MICALL2: variants seen among roughly 807,000 people sequenced by gnomAD.
The protein encoded by MICALL2 is MICAL like 2.
A neutral mutation model predicts 91.1 loss-of-function variants in MICALL2; 111 were observed. That is an observed-to-expected ratio of 1.22 (90% CI 1.04 to 1.43). MICALL2 has a LOEUF of 1.43. Ranked by LOEUF, MICALL2 falls within the 40% of genes most tolerant of loss-of-function variation. The pLI is 0.00. For synonymous variants in MICALL2, 694 were observed against 525.3 expected, an observed-to-expected ratio of 1.32 and a Z score of -4.39; for missense variants, 1,556 against 1,236.0, an observed-to-expected ratio of 1.26 and a Z score of -3.88.
intron 3 of MICALL2, among the ~76,000 whole-genome samples, chr7:1,448,254 G>A (rs1020588043): frequency 1.3e-5 from 2 of 152,232 alleles, no homozygotes; most frequent in Non-Finnish European, 2.9e-5. Flanking sequence ...CACCCCAGTG[G>A]GCACAGAAGC....
chr7:1,437,685 T>G, intron 13 of MICALL2, 77 bp from the exon 14 acceptor site: 4 of 1,441,324 alleles, frequency 2.8e-6, no homozygotes, highest in Middle Eastern at 2.4e-4. Context: ...CGCAACGAGG[T>G]CCTGGACCTG....
Position 1,436,845 on chromosome 7 carries a change from A to G in MICALL2, c.2488T>C (p.Ser830Pro). The change falls in exon 15 of 17, where the codon TCA becomes CCA. Residue 830 changes from serine to proline, a missense_variant. Physicochemically the swap from Ser to Pro is moderately conservative, Grantham distance 74. Transcript: ENST00000297508. Reference sequence around the variant, plus strand: ...TGCTCCCGCCGCCGCTCCTGCAGTGACTTCAGAGCCTCTGTGGGGATGGCT... The same window carrying G: ...TGCTCCCGCCGCCGCTCCTGCAGTGGCTTCAGAGCCTCTGTGGGGATGGCT... Reference protein sequence around the residue: ...RLMAKPEALKSLQERRREQEL... With the variant: ...RLMAKPEALKPLQERRREQEL... The G allele has an allele frequency of 6.3e-7, 1 of 1,595,924 alleles. No individual in the cohort carries two copies.
intron 1 of MICALL2, among the ~76,000 whole-genome samples, chr7:1,456,818 A>C (rs1415640776): frequency 6.6e-6 from 1 of 151,846 alleles, no homozygotes; most frequent in Non-Finnish European, 1.5e-5. Flanking sequence ...GCATGTCCCC[A>C]CACCCTGGTG....
At chr7:1,447,531 T>C in intron 4 of MICALL2, 44 bp downstream of exon 4, 2 of 1,244,860 alleles carry the variant, frequency 1.6e-6, no homozygotes, top group Non-Finnish European at 2.2e-6. Context: ...CACCCCCCGG[T>C]GGAAAACCCA....
At chr7:1,456,149 G>T (rs543491063) in intron 1 of MICALL2, among the ~76,000 whole-genome samples, 1 of 151,926 alleles carries the variant, frequency 6.6e-6, no homozygotes, top group African/African-American at 2.4e-5. Context: ...GGCCAGGCGC[G>T]GCGGCTCACA....
intron 1 of MICALL2, among the ~76,000 whole-genome samples, chr7:1,457,556 A>C (rs995120089): frequency 6.6e-6 from 1 of 152,362 alleles, no homozygotes; most frequent in Admixed American, 6.5e-5. Context: ...TGCTGGGTAC[A>C]CAGCAGGTAC....
rs774578907 is a variant in MICALL2, at chr7:1,437,658, G to A, written c.2403-50C>T. On this transcript the variant is annotated intron_variant, in intron 13 of 16. Coordinates refer to ENST00000297508, the MANE Select transcript of MICALL2 (RefSeq NM_182924.4). The stretch of plus-strand genomic sequence containing the variant: ...GCCTGACTCTGCCGCCCTGTCCCCC[G>A]CCTGGCCCGCCCAGCCCGCAACGAG... 68 of 1,513,146 alleles carry A rather than the reference G, an allele frequency of 4.5e-5. 1 individual carries two copies. The highest frequency in any genetic ancestry group is 1.7e-4 in the African/African-American group (12 of 72,266). The allele number at this position is 1,513,146 out of a possible 1,614,324, so 93.7% of individuals were successfully genotyped here. A position where few individuals can be genotyped will look rare whatever the true frequency, so the allele number is the denominator to read the frequency against.
chr7:1,435,058 CCCAG>C, intron 16 of MICALL2, 39 bp downstream of exon 16: 4 of 1,607,156 alleles, frequency 2.5e-6, no homozygotes, highest in African/African-American at 1.3e-5. Context: ...CCCCGGCCCA[CCCAG>C]CCAGCCAGCC....
rs1260132652 is a variant in MICALL2 at position 1,451,759 on chromosome 7, T to C, written c.144-1471A>G. Among the ~76,000 whole-genome samples, 1 of 152,136 alleles carries C rather than the reference T, an allele frequency of 6.6e-6. No individual in the cohort carries two copies. The highest frequency in any genetic ancestry group is 6.5e-5 in the Admixed American group (1 of 15,286). ...CTCCTGGTGGCGAATCTGACGGCCG[T>C]AGCTGCAGCAAACAGGAAGGCTGGG... On this transcript the variant is annotated intron_variant, in intron 1 of 16. Transcript: ENST00000297508. This position sits in a 1 kb window ranked among gnomAD's most constrained non-coding sequence, Gnocchi z 4.5.
chr7:1,437,791 C>G (rs1780046381), intron 13 of MICALL2, 99 bp downstream of exon 13: 1 of 1,279,524 alleles, frequency 7.8e-7, no homozygotes, highest in African/African-American at 1.5e-5. Flanking sequence ...CACAGACATG[C>G]ATCTGAGGCC....
Position 1,435,159 on chromosome 7 carries a change from C to T in MICALL2, c.2592-12G>A, listed in dbSNP as rs1167266537. On this transcript the variant is annotated splice_polypyrimidine_tract_variant and intron_variant, in intron 15 of 16. Coordinates refer to ENST00000297508, the MANE Select transcript of MICALL2 (RefSeq NM_182924.4). ...CCTCCTCTTGTTCCCTGAAACGGGA[C>T]CAGATGGCCATGAGCGACAATGGCA... The T allele has an allele frequency of 1.2e-6, 2 of 1,613,416 alleles. No homozygotes were observed. The highest frequency in any genetic ancestry group is 3.3e-5 in the Admixed American group (2 of 60,020).
intron 1 of MICALL2, among the ~76,000 whole-genome samples, chr7:1,458,508 G>C (rs1584241375): frequency 6.6e-6 from 1 of 152,264 alleles, no homozygotes; most frequent in African/African-American, 2.4e-5. Context: ...AAACAATGGA[G>C]CAGGTCCAGG....
At chr7:1,439,237 C>A (rs10265192) in intron 9 of MICALL2, 2 of 514,920 alleles carry the variant, frequency 3.9e-6, no homozygotes, top group Non-Finnish European at 3.5e-6. Context: ...GGAAGTGGCA[C>A]GAGAGCTGGA....
In MICALL2 at chr7:1,445,158, G is replaced by C. The variant is rs1261208360; in HGVS notation, c.912C>G (p.Pro304=). ...ACGTGGCGCTGGTGGCTGCAGGGTT[G>C]GGTGCAGCTGGAACGGAAGCCCTGG... ...SPARASVPAA[P]NPAATSATSV... Residue 304 remains proline, a synonymous_variant, in exon 6 of 17, where the codon CCC becomes CCG. Coordinates refer to ENST00000297508, the MANE Select transcript of MICALL2 (RefSeq NM_182924.4). The C allele has an allele frequency of 1.9e-6, 3 of 1,577,328 alleles. No homozygotes were observed. Among genetic ancestry groups the C allele is most frequent in the Non-Finnish European group, 2.6e-6 (3 of 1,162,610 alleles).
Position 1,455,781 on chromosome 7 carries a change from C to T in MICALL2, c.143+3403G>A, listed in dbSNP as rs940965867. ...CTGCGTGCAGCAGGAAGGACTAAGGCCAGACAAAGGGAAGGACTTCCTGGT... is the reference window on the plus strand; with the variant it reads ...CTGCGTGCAGCAGGAAGGACTAAGGTCAGACAAAGGGAAGGACTTCCTGGT... On this transcript the variant is annotated intron_variant, in intron 1 of 16. Transcript: ENST00000297508. Among the ~76,000 whole-genome samples, 19 of 151,932 alleles carry T rather than the reference C, an allele frequency of 1.3e-4. 1 individual carries two copies. Among genetic ancestry groups the T allele is most frequent in the African/African-American group, 2.7e-4 (11 of 41,400 alleles).
At chr7:1,439,752 A>G (rs1223587590) in intron 9 of MICALL2, 173 bp downstream of exon 9, 4 of 481,028 alleles carry the variant, frequency 8.3e-6, no homozygotes, top group South Asian at 1.0e-4. Flanking sequence ...TGCATCACAC[A>G]CATGCACACA....
chr7:1,440,227 A>G, intron 8 of MICALL2, 142 bp from the exon 9 acceptor site: 1 of 1,003,226 alleles, frequency 1.0e-6, no homozygotes, highest in Non-Finnish European at 1.4e-6. Flanking sequence ...CCCACTGACT[A>G]CACCTGCTGG....
In MICALL2 at chr7:1,447,713, C is replaced by T. The variant is rs746140844; in HGVS notation, c.387G>A (p.Pro129=). The part of the protein sequence containing the change: ...KRASEDSEEE[P]SGKKAPVQAA... Reference sequence around the variant, plus strand: ...CCTGGACTGGAGCCTTCTTCCCTGACGGCTCCTCCTCAGAGTCCTCCGAGG... The same window carrying T: ...CCTGGACTGGAGCCTTCTTCCCTGATGGCTCCTCCTCAGAGTCCTCCGAGG... The change falls in exon 4 of 17, where the codon CCG becomes CCA. Residue 129 remains proline, a synonymous_variant. Coordinates refer to ENST00000297508, the MANE Select transcript of MICALL2 (RefSeq NM_182924.4). 24 of 1,577,114 alleles carry T rather than the reference C, an allele frequency of 1.5e-5. No homozygotes were observed. Among genetic ancestry groups the T allele is most frequent in the African/African-American group, 1.2e-4 (9 of 74,130 alleles).
In MICALL2 at chr7:1,445,408, G is replaced by A. The variant is rs528220185; in HGVS notation, c.662C>T (p.Thr221Met). 3.2e-5 allele frequency: 49 copies of A among 1,554,596 alleles called. No individual in the cohort carries two copies. Among genetic ancestry groups the A allele is most frequent in the South Asian group, 1.7e-4 (15 of 86,114 alleles). Residue 221 changes from threonine to methionine, a missense_variant, in exon 6 of 17, where the codon ACG becomes ATG. Coordinates refer to ENST00000297508, the MANE Select transcript of MICALL2 (RefSeq NM_182924.4). ...GGCCTTGTAGGCCCCCGAGTGCAGC[G>A]TGCAGGAGCACTGCTTACACCTGGG... is the stretch of plus-strand genomic sequence containing the variant. Reference protein sequence around the residue: ...SCFRCKQCSCTLHSGAYKATG... With the variant: ...SCFRCKQCSCMLHSGAYKATG...
Sources: gnomAD v4.1 joint callset for allele counts (sites outside exome capture counted in the v4.1 genomes callset) on GRCh38, gnomAD v4.1.1 for gene constraint, Gnocchi (gnomAD v3.1) non-coding constraint, MANE v1.5 for transcripts, NCBI Gene and HGNC (gene_info 2026-07-23, HGNC 2026-07-21) for gene names.